The following SIK3 variants were observed in gnomAD, a reference collection of about 807,000 sequenced individuals.
The protein encoded by SIK3 is serine/threonine-protein kinase SIK3.
A neutral mutation model predicts 144.2 loss-of-function variants in SIK3; 28 were observed. The ratio of observed to expected loss-of-function variants is 0.19; its 90% confidence interval spans 0.14 to 0.27. The LOEUF (loss-of-function observed/expected upper bound fraction) is 0.27. Among genes scored for constraint, SIK3 ranks in the 10% least tolerant of loss-of-function variants. The probability of loss-of-function intolerance (pLI) is 1.00; values close to 1 mark genes in which losing one functional copy is unlikely to be tolerated. For synonymous variants in SIK3, 686 were observed against 676.3 expected, an observed-to-expected ratio of 1.01 and a Z score of -0.22; for missense variants, 1,319 against 1,776.0, an observed-to-expected ratio of 0.74 and a Z score of 4.62.
At chr11:117,022,652 C>T (rs560290014) in intron 1 of SIK3, among the ~76,000 whole-genome samples, 1 of 152,276 alleles carries the variant, frequency 6.6e-6, no homozygotes, top group South Asian at 2.1e-4. Context: ...CAAAAACAAA[C>T]TGTCCTTGTG....
chr11:116,949,156 C>G (rs1357730959), intron 3 of SIK3, among the ~76,000 whole-genome samples: 1 of 152,130 alleles, frequency 6.6e-6, no homozygotes, highest in East Asian at 1.9e-4. Flanking sequence ...AGAAAGATCT[C>G]GTATCAATAA....
intron 3 of SIK3, among the ~76,000 whole-genome samples, chr11:116,941,234 C>A (rs1948282723): frequency 6.6e-6 from 1 of 152,002 alleles, no homozygotes; most frequent in Non-Finnish European, 1.5e-5. Flanking sequence ...TCTCAATCTC[C>A]TGACCTCGTG....
At position 116,934,372 on chromosome 11, in the gene SIK3, C is replaced by T. The variant is rs369317609; in HGVS notation, c.455-6992G>A. Among the ~76,000 whole-genome samples the T allele has an allele frequency of 2.0e-5, 3 of 152,192 alleles. No individual in the cohort carries two copies. In the East Asian group the frequency reaches 5.8e-4, roughly 29 times the overall value. On this transcript the variant is annotated intron_variant, in intron 3 of 24. Transcript: ENST00000445177. ...TTATTAGCAAAATGAATGCTAAATG[C>T]TATTGCTCACCTCAATGAATTCAAG... is the stretch of plus-strand genomic sequence containing the variant.
chr11:116,944,496 T>C (rs1348681010), intron 3 of SIK3, among the ~76,000 whole-genome samples: 1 of 152,028 alleles, frequency 6.6e-6, no homozygotes, highest in Admixed American at 6.5e-5. Context: ...CAGGCTTATG[T>C]AAAATAAAAA....
chr11:117,086,450 G>A (rs1323201207), intron 1 of SIK3, among the ~76,000 whole-genome samples: 1 of 152,206 alleles, frequency 6.6e-6, no homozygotes, highest in Non-Finnish European at 1.5e-5. Context: ...CCAGCACTCT[G>A]GGAGGCCGAG....
At chr11:116,897,364 A>G in intron 4 of SIK3, 47 bp from the exon 5 acceptor site, 2 of 1,554,658 alleles carry the variant, frequency 1.3e-6, no homozygotes, top group Non-Finnish European at 1.8e-6. Flanking sequence ...ACCTTTTATT[A>G]TAACTGAGCA....
chr11:117,013,042 T>A (rs1951331986), intron 1 of SIK3, among the ~76,000 whole-genome samples: 2 of 151,852 alleles, frequency 1.3e-5, no homozygotes, highest in African/African-American at 4.8e-5. Context: ...CACAATTACT[T>A]TTACACTAAC....
chr11:117,095,983 C>T (rs1274279239), intron 1 of SIK3, among the ~76,000 whole-genome samples: 1 of 152,124 alleles, frequency 6.6e-6, no homozygotes, highest in African/African-American at 2.4e-5. Context: ...CAGTGACACC[C>T]GTTTGTAAAC....
At chr11:116,930,268 C>T (rs1023812090) in intron 3 of SIK3, among the ~76,000 whole-genome samples, 2 of 152,108 alleles carry the variant, frequency 1.3e-5, no homozygotes, top group Non-Finnish European at 2.9e-5. Flanking sequence ...ACCCCTACTC[C>T]CATTGGTTTG....
At chr11:116,974,408 C>G (rs1016124608) in intron 1 of SIK3, among the ~76,000 whole-genome samples, 4 of 152,126 alleles carry the variant, frequency 2.6e-5, no homozygotes, top group South Asian at 2.1e-4. Context: ...ACTTTGGAAC[C>G]CTTTTTTTCC....
chr11:116,938,459 G>GA (rs1367134095), intron 3 of SIK3, among the ~76,000 whole-genome samples: 2 of 18,960 alleles, frequency 1.1e-4, no homozygotes, highest in Non-Finnish European at 2.7e-4. Flanking sequence ...GGGAGGGGAG[G>GA]GGAGGAGAGG....
intron 23 of SIK3, 113 bp downstream of exon 23, chr11:116,847,363 T>C (rs1346458378): frequency 2.1e-6 from 3 of 1,426,372 alleles, no homozygotes; most frequent in Non-Finnish European, 2.9e-6. Context: ...TGTGGGATGC[T>C]GTGGCTCTAC....
intron 1 of SIK3, among the ~76,000 whole-genome samples, chr11:117,020,011 G>A (rs1327878810): frequency 2.0e-5 from 3 of 151,986 alleles, no homozygotes; most frequent in Non-Finnish European, 4.4e-5. Context: ...ATTCAAAGCT[G>A]TACCTTCCCC....
At chr11:117,030,605 T>C (rs1233962549) in intron 1 of SIK3, among the ~76,000 whole-genome samples, 1 of 152,170 alleles carries the variant, frequency 6.6e-6, no homozygotes, top group African/African-American at 2.4e-5. Flanking sequence ...TGAGATCACA[T>C]GTGGTTTTTT....
At chr11:117,097,994 C>CG (rs1311716782) in intron 1 of SIK3, 149 bp downstream of exon 1, 1 of 1,104,894 alleles carries the variant, frequency 9.1e-7, no homozygotes, top group Non-Finnish European at 1.1e-6. Flanking sequence ...GCTCCGCGCC[C>CG]GCCCCGCCGC....
At chr11:116,878,898 C>G (rs1466731897) in intron 6 of SIK3, among the ~76,000 whole-genome samples, 1 of 152,184 alleles carries the variant, frequency 6.6e-6, no homozygotes, top group Non-Finnish European at 1.5e-5. Context: ...CTTTAACCAT[C>G]TACTCTAAGA....
At chr11:117,012,982 G>C (rs568475565) in intron 1 of SIK3, among the ~76,000 whole-genome samples, 33 of 151,160 alleles carry the variant, frequency 2.2e-4, no homozygotes, top group African/African-American at 7.5e-4. Flanking sequence ...CTCCCGAGTA[G>C]CTGGGACTAC....
rs1028847268 is a variant in SIK3 at position 116,846,060 on chromosome 11, C to G, written c.*13+323G>C. 1.3e-5 allele frequency among the ~76,000 whole-genome samples: 2 copies of G among 152,224 alleles called. No homozygotes were observed. Among genetic ancestry groups the G allele is most frequent in the African/African-American group, 4.8e-5 (2 of 41,450 alleles). On this transcript the variant is annotated intron_variant, in intron 24 of 24. Coordinates refer to ENST00000445177, the MANE Select transcript of SIK3 (RefSeq NM_001366686.3). This position sits in a 1 kb window ranked among gnomAD's most constrained non-coding sequence, Gnocchi z 4.1. ...TCCTCATTATGCTGACCGGAGGTCA[C>G]CTGCATCCTCTGGAGCCGTAGCTCA...
intron 1 of SIK3, among the ~76,000 whole-genome samples, chr11:117,022,156 G>A (rs948122325): frequency 1.3e-5 from 2 of 152,116 alleles, no homozygotes; most frequent in African/African-American, 2.4e-5. Context: ...AGTTGGGTAT[G>A]TCAAAATCTT....
Sources: gnomAD v4.1 joint callset for allele counts (sites outside exome capture counted in the v4.1 genomes callset) on GRCh38, gnomAD v4.1.1 for gene constraint, Gnocchi (gnomAD v3.1) non-coding constraint, MANE v1.5 for transcripts, NCBI Gene and HGNC (gene_info 2026-07-23, HGNC 2026-07-21) for gene names.